Variants in NUGGC observed in about 807,000 individuals in gnomAD.
The protein encoded by NUGGC is nuclear GTPase, germinal center associated.
In NUGGC, 58 loss-of-function variants were observed where a neutral mutation model predicts 92.6. The observed-to-expected ratio is 0.63, with a 90% CI of 0.51 to 0.78. NUGGC has a LOEUF of 0.78. Ranked by LOEUF, NUGGC falls within the 30% of genes least tolerant of loss-of-function variation. The pLI, the probability that NUGGC is intolerant of heterozygous loss-of-function variation, is 0.00. For synonymous variants in NUGGC, 376 were observed against 366.4 expected (o/e 1.03, Z -0.30); for missense variants, 925 against 964.6 (o/e 0.96, Z 0.54).
chr8:28,056,949 C>A (rs1232970817), intron 9 of NUGGC, among the ~76,000 whole-genome samples: 1 of 152,186 alleles, frequency 6.6e-6, no homozygotes, highest in South Asian at 2.1e-4. Context: ...CCACTTAAAG[C>A]GCCAAACACC....
intron 17 of NUGGC, among the ~76,000 whole-genome samples, chr8:28,027,312 G>C (rs1013335915): frequency 1.3e-5 from 2 of 152,216 alleles, no homozygotes; most frequent in Admixed American, 6.5e-5. Context: ...GGGGGCTGCA[G>C]CTCTGGTGCC....
chr8:28,052,991 A>G (rs1810043806), intron 10 of NUGGC, among the ~76,000 whole-genome samples: 1 of 152,104 alleles, frequency 6.6e-6, no homozygotes, highest in African/African-American at 2.4e-5. Flanking sequence ...TAAGTGCTTC[A>G]TGGGACCTAG....
chr8:28,057,848 A>G (rs936681286), intron 9 of NUGGC, among the ~76,000 whole-genome samples: 8 of 152,162 alleles, frequency 5.3e-5, no homozygotes, highest in Non-Finnish European at 1.2e-4. Flanking sequence ...TAATCTCTAC[A>G]TTGTTCAAGA....
In NUGGC at chr8:28,058,707, T is replaced by A. The variant is rs1335509813; in HGVS notation, c.1098-431A>T. 1.8e-4 allele frequency among the ~76,000 whole-genome samples: 20 copies of A among 110,484 alleles called. No individual in the cohort carries two copies. In the Admixed American group the frequency reaches 1.8e-3, roughly 10 times the overall value. The allele number at this position is 110,484 out of a possible 152,430, so 72.5% of individuals were successfully genotyped here. A position where few individuals can be genotyped will look rare whatever the true frequency, so the allele number is the denominator to read the frequency against. On this transcript the variant is annotated intron_variant, in intron 8 of 18. Transcript: ENST00000413272. The stretch of plus-strand genomic sequence containing the variant: ...AATAAATTAGATTTAATTATGTTAA[T>A]TTTTTTTTTTTTTGAGACGGAGTCT...
intron 13 of NUGGC, among the ~76,000 whole-genome samples, chr8:28,040,742 G>T (rs1809674035): frequency 1.3e-5 from 2 of 151,938 alleles, no homozygotes; most frequent in Non-Finnish European, 2.9e-5. Flanking sequence ...CGCCTCCCTG[G>T]TTCAAGCAAT....
At chr8:28,049,444 A>G (rs1309225022) in intron 10 of NUGGC, among the ~76,000 whole-genome samples, 1 of 152,262 alleles carries the variant, frequency 6.6e-6, no homozygotes, top group East Asian at 1.9e-4. Flanking sequence ...CTGTGTCCAG[A>G]TGTTTGCATT....
intron 6 of NUGGC, among the ~76,000 whole-genome samples, chr8:28,066,138 C>T (rs1327725009): frequency 6.6e-6 from 1 of 152,184 alleles, no homozygotes; most frequent in Non-Finnish European, 1.5e-5. Context: ...TTGGCAAAGA[C>T]GTTGATACCC....
intron 13 of NUGGC, among the ~76,000 whole-genome samples, chr8:28,034,660 T>C (rs1468425370): frequency 1.3e-5 from 2 of 151,850 alleles, no homozygotes; most frequent in Non-Finnish European, 2.9e-5. Flanking sequence ...CTACTAAAAA[T>C]ACAAAAATTA....
chr8:28,050,087 A>T (rs993232317), intron 10 of NUGGC, among the ~76,000 whole-genome samples: 1 of 152,010 alleles, frequency 6.6e-6, no homozygotes, highest in Non-Finnish European at 1.5e-5. Flanking sequence ...ACACTATCTT[A>T]AAAAAATTAA....
intron 1 of NUGGC, among the ~76,000 whole-genome samples, chr8:28,075,647 G>C (rs1052621846): frequency 1.3e-5 from 2 of 152,172 alleles, no homozygotes; most frequent in South Asian, 2.1e-4. Context: ...TGTCCTACTA[G>C]ACCCACAGGC....
rs749681358 is a variant in NUGGC, at chr8:28,041,027, G to A, written c.1611+24C>T. ...CGGGCAGGCCTCCTGGAATATCTGA[G>A]TTTTCCCTGGAAGGGTCACTCACCA... On this transcript the variant is annotated intron_variant, in intron 13 of 18. Coordinates refer to ENST00000413272, the MANE Select transcript of NUGGC (RefSeq NM_001010906.2). 6.3e-6 allele frequency: 10 copies of A among 1,579,702 alleles called. No homozygotes were observed. In the African/African-American group the frequency reaches 1.2e-4, roughly 19 times the overall value.
intron 7 of NUGGC, 22 bp from the exon 8 acceptor site, chr8:28,060,623 T>G: frequency 6.2e-7 from 1 of 1,602,918 alleles, no homozygotes. Context: ...GACCACGGCA[T>G]GTGTCAGCAC....
chr8:28,053,713 T>C (rs574845657), intron 10 of NUGGC, among the ~76,000 whole-genome samples: 2 of 152,324 alleles, frequency 1.3e-5, no homozygotes, highest in Admixed American at 1.3e-4. Context: ...GCATGTTTAC[T>C]GGCATAGTTG....
At position 28,023,014 on chromosome 8, in the gene NUGGC, G is replaced by A. The variant is rs954857076; in HGVS notation, c.*303C>T. 5.0e-6 allele frequency: 1 copy of A among 200,922 alleles called. No individual in the cohort carries two copies. The highest frequency in any genetic ancestry group is 9.9e-6 in the Non-Finnish European group (1 of 100,566). The allele number at this position is 200,922 out of a possible 1,614,324, so 12.4% of individuals were successfully genotyped here. A position where few individuals can be genotyped will look rare whatever the true frequency, so the allele number is the denominator to read the frequency against. ...GAACCCAGGAGGTGGAGGTTGCAGT[G>A]AGCCGAGATTGCACCACTGCATTCC... On this transcript the variant is annotated 3_prime_UTR_variant, in exon 19 of 19. Transcript: ENST00000413272.
At chr8:28,044,874 G>A (rs1324908837) in intron 12 of NUGGC, among the ~76,000 whole-genome samples, 1 of 152,214 alleles carries the variant, frequency 6.6e-6, no homozygotes, top group African/African-American at 2.4e-5. Context: ...ACGACAGTAA[G>A]AGGTTTTTCT....
chr8:28,076,046 C>T (rs937046515), intron 1 of NUGGC, among the ~76,000 whole-genome samples: 3 of 152,230 alleles, frequency 2.0e-5, no homozygotes, highest in African/African-American at 4.8e-5. Context: ...CTGATTCCCA[C>T]TCATTCCCCC....
chr8:28,070,788 T>C (rs1298046233), intron 2 of NUGGC, among the ~76,000 whole-genome samples: 2 of 151,212 alleles, frequency 1.3e-5, no homozygotes, highest in East Asian at 4.0e-4. Flanking sequence ...TGTTTCTGTA[T>C]GTTGCCCAGG....
chr8:28,058,751 G>A (rs1585585223), intron 8 of NUGGC, among the ~76,000 whole-genome samples: 1 of 150,884 alleles, frequency 6.6e-6, no homozygotes, highest in Non-Finnish European at 1.5e-5. Flanking sequence ...TGCCCAGGCT[G>A]GAGTGCAGTG....
chr8:28,052,449 G>T (rs1306804844), intron 10 of NUGGC, among the ~76,000 whole-genome samples: 1 of 152,116 alleles, frequency 6.6e-6, no homozygotes, highest in South Asian at 2.1e-4. Flanking sequence ...AATGGAGTAG[G>T]GTGGGCCCCT....
Sources: allele counts gnomAD v4.1 joint callset (sites outside exome capture counted in the v4.1 genomes callset), GRCh38; gene constraint gnomAD v4.1.1; transcripts MANE v1.5; gene names NCBI Gene and HGNC (gene_info 2026-07-23, HGNC 2026-07-21).